PTPRD: variants seen among roughly 807,000 people sequenced by gnomAD.
PTPRD encodes protein tyrosine phosphatase receptor type D.
In PTPRD, 34 loss-of-function variants were observed where a neutral mutation model predicts 214.5. The observed-to-expected ratio is 0.16, with a 90% CI of 0.12 to 0.21. The LOEUF is 0.21. Ranked by LOEUF, PTPRD falls within the 10% of genes least tolerant of loss-of-function variation. The pLI, the probability that PTPRD is intolerant of heterozygous loss-of-function variation, is 1.00. For missense variants in PTPRD, 2,545 were observed against 2,398.7 expected, an observed-to-expected ratio of 1.06 and a Z score of -1.27; for synonymous variants, 1,128 against 845.7, an observed-to-expected ratio of 1.33 and a Z score of -5.79.
rs745812510 is a variant in PTPRD, at chr9:8,427,482, C to T, written c.4086+9110G>A. On this transcript the variant is annotated intron_variant, in intron 35 of 45. Transcript: ENST00000381196. ...GGTTAATCACCTGCTGTGTGCCGAG[C>T]GGTGAGCTTGTTACCACGTGGCCAA... Among the ~76,000 whole-genome samples, 134 of 152,072 alleles carry T rather than the reference C, an allele frequency of 8.8e-4. 1 individual carries two copies. The highest frequency in any genetic ancestry group is 5.8e-4 in the East Asian group (3 of 5,158).
At chr9:9,279,007 C>T (rs543217147) in intron 9 of PTPRD, among the ~76,000 whole-genome samples, 6 of 150,838 alleles carry the variant, frequency 4.0e-5, no homozygotes, top group South Asian at 2.1e-4. Flanking sequence ...ATAACCTGTC[C>T]GGAAAACTAT....
intron 3 of PTPRD, among the ~76,000 whole-genome samples, chr9:10,287,382 C>G (rs775651573): frequency 6.6e-6 from 1 of 152,174 alleles, no homozygotes; most frequent in Admixed American, 6.5e-5. Flanking sequence ...CCTGTACACT[C>G]ATAGCAAAAA....
chr9:10,432,948 C>T (rs903555599), intron 2 of PTPRD, among the ~76,000 whole-genome samples: 1 of 151,908 alleles, frequency 6.6e-6, no homozygotes, highest in Admixed American at 6.6e-5. Flanking sequence ...TCACATTTGC[C>T]TTCCATTGAG....
intron 2 of PTPRD, among the ~76,000 whole-genome samples, chr9:10,587,929 C>T (rs1776813748): frequency 1.3e-5 from 2 of 152,018 alleles, no homozygotes; most frequent in African/African-American, 4.8e-5. Context: ...GCAGATCTTT[C>T]TGACAATAAG....
Position 10,612,908 on chromosome 9 carries a change from CCGGCTGCGGGCG to C in PTPRD, c.-940_-929del, listed in dbSNP as rs2133866835. On this transcript the variant is annotated 5_prime_UTR_variant, in exon 1 of 46. Transcript: ENST00000381196. ...GCGCTGCCCCCACGCGCTCCGGCCGCCGGCTGCGGGCGCGGCTGGGCGGGGAGCCGAGGCGGC... is the reference window on the plus strand; with the variant it reads ...GCGCTGCCCCCACGCGCTCCGGCCGCCGGCTGGGCGGGGAGCCGAGGCGGC... Among the ~76,000 whole-genome samples, 1 of 151,858 alleles carries C rather than the reference CCGGCTGCGGGCG, an allele frequency of 6.6e-6. No individual in the cohort carries two copies. Among genetic ancestry groups the C allele is most frequent in the South Asian group, 2.1e-4 (1 of 4,826 alleles).
intron 3 of PTPRD, among the ~76,000 whole-genome samples, chr9:10,104,848 G>T (rs1389724693): frequency 2.0e-5 from 3 of 151,810 alleles, no homozygotes; most frequent in East Asian, 3.9e-4. Flanking sequence ...TAGCATAGAC[G>T]ATGATTTGCT....
intron 8 of PTPRD, among the ~76,000 whole-genome samples, chr9:9,515,156 C>G (rs74609043): frequency 0.025 from 3,838 of 151,990 alleles, 180 homozygotes; most frequent in African/African-American, 0.087. Flanking sequence ...TGTTATTGAC[C>G]GTGGTGGAGG....
At chr9:10,108,646 T>C (rs1363896434) in intron 3 of PTPRD, among the ~76,000 whole-genome samples, 1 of 152,072 alleles carries the variant, frequency 6.6e-6, no homozygotes, top group Non-Finnish European at 1.5e-5. Flanking sequence ...AATCAATATG[T>C]TGAAGAGATT....
chr9:9,353,922 T>A (rs556702342), intron 9 of PTPRD, among the ~76,000 whole-genome samples: 223 of 151,872 alleles, frequency 1.5e-3, no homozygotes, highest in African/African-American at 5.1e-3. Context: ...TGAGGAAGCT[T>A]CCAAGTTCTT....
intron 11 of PTPRD, among the ~76,000 whole-genome samples, chr9:8,972,323 A>G (rs2099243430): frequency 6.6e-6 from 1 of 151,958 alleles, no homozygotes; most frequent in Admixed American, 6.6e-5. Flanking sequence ...ATAAAATACA[A>G]AAGAATGACA....
chr9:9,373,978 C>A (rs189150550), intron 9 of PTPRD, among the ~76,000 whole-genome samples: 2 of 151,754 alleles, frequency 1.3e-5, no homozygotes, highest in East Asian at 3.9e-4. Flanking sequence ...ATTTGGCTTA[C>A]GGTAGCTTTC....
In PTPRD at chr9:9,923,783, G is replaced by A. The variant is rs531076942; in HGVS notation, c.-368+14724C>T. ...CTAAAATGTATACTTCTCATGGGCCGTATTTTTTAGAAAGATACTAGAAGT... is the reference window on the plus strand; with the variant it reads ...CTAAAATGTATACTTCTCATGGGCCATATTTTTTAGAAAGATACTAGAAGT... On this transcript the variant is annotated intron_variant, in intron 5 of 45. Transcript: ENST00000381196. Among the ~76,000 whole-genome samples the A allele has an allele frequency of 7.9e-5, 12 of 151,958 alleles. No homozygotes were observed. In the South Asian group the frequency reaches 8.3e-4, roughly 11 times the overall value.
chr9:8,395,312 G>A (rs2090822057), intron 36 of PTPRD, among the ~76,000 whole-genome samples: 1 of 152,106 alleles, frequency 6.6e-6, no homozygotes, highest in African/African-American at 2.4e-5. Flanking sequence ...TTAAGACCTA[G>A]ATTGCAATTT....
At chr9:8,767,335 T>C (rs2094834592) in intron 11 of PTPRD, among the ~76,000 whole-genome samples, 1 of 152,108 alleles carries the variant, frequency 6.6e-6, no homozygotes, top group Non-Finnish European at 1.5e-5. Context: ...CAGGCTGGTC[T>C]CGAACTCCTG....
intron 14 of PTPRD, among the ~76,000 whole-genome samples, chr9:8,588,589 A>T (rs1319686373): frequency 6.6e-6 from 1 of 152,226 alleles, no homozygotes; most frequent in Non-Finnish European, 1.5e-5. Context: ...TAGCAATGTG[A>T]TAACTGTATC....
chr9:10,003,517 G>C (rs2096387491), intron 4 of PTPRD, among the ~76,000 whole-genome samples: 1 of 151,220 alleles, frequency 6.6e-6, no homozygotes, highest in Non-Finnish European at 1.5e-5. Context: ...GGGCCGAGAT[G>C]GTATAAGAGA....
intron 10 of PTPRD, among the ~76,000 whole-genome samples, chr9:9,021,793 A>G (rs547689788): frequency 6.6e-6 from 1 of 152,338 alleles, no homozygotes; most frequent in African/African-American, 2.4e-5. Context: ...TAAAAAGAAA[A>G]AATGTATAGA....
intron 4 of PTPRD, among the ~76,000 whole-genome samples, chr9:9,956,280 T>TAAAA (rs202114228): frequency 1.6e-5 from 2 of 127,574 alleles, no homozygotes; most frequent in African/African-American, 2.9e-5. Context: ...AAGTCAAACT[T>TAAAA]AAAAAAAAAA....
At chr9:10,313,417 C>CACACACACACACACAT (rs1378031777) in intron 3 of PTPRD, among the ~76,000 whole-genome samples, 1 of 151,616 alleles carries the variant, frequency 6.6e-6, no homozygotes, top group African/African-American at 2.4e-5. Flanking sequence ...CACACACACA[C>CACACACACACACACAT]AAATTTTTAA....
Sources: gnomAD v4.1 joint callset for allele counts (sites outside exome capture counted in the v4.1 genomes callset) on GRCh38, gnomAD v4.1.1 for gene constraint, MANE v1.5 for transcripts, NCBI Gene and HGNC (gene_info 2026-07-23, HGNC 2026-07-21) for gene names.